The following DLGAP2 variants were observed in gnomAD, a reference collection of about 807,000 sequenced individuals.
DLGAP2 encodes disks large-associated protein 2.
DLGAP2 carries 26 observed loss-of-function variants against 100.3 expected under a neutral mutation model. The ratio of observed to expected loss-of-function variants is 0.26; its 90% CI spans 0.19 to 0.36. The LOEUF is 0.36. Among genes scored for constraint, DLGAP2 ranks in the 10% least tolerant of loss-of-function variants. DLGAP2 has a pLI of 1.00. For missense variants in DLGAP2, 1,858 were observed against 1,453.2 expected (o/e 1.28, Z -4.53); for synonymous variants, 886 against 630.1 (o/e 1.41, Z -6.08).
chr8:1,693,370 A>G (rs1198506829), intron 13 of DLGAP2, among the ~76,000 whole-genome samples: 3 of 151,048 alleles, frequency 2.0e-5, no homozygotes, highest in African/African-American at 7.3e-5. Flanking sequence ...TATACTATAT[A>G]TTTGCCTACA....
intron 3 of DLGAP2, among the ~76,000 whole-genome samples, chr8:1,464,764 C>T (rs538350228): frequency 2.6e-5 from 4 of 152,314 alleles, no homozygotes; most frequent in Admixed American, 6.5e-5. Flanking sequence ...CACGCCTCAC[C>T]GTCCTGGCCT....
chr8:1,679,455 A>C (rs113619446), intron 12 of DLGAP2, among the ~76,000 whole-genome samples: 1 of 144,454 alleles, frequency 6.9e-6, no homozygotes, highest in African/African-American at 2.6e-5. Context: ...GTCACCACCA[A>C]AGGTCTCACT....
At chr8:796,360 C>T (rs1273197393) in intron 1 of DLGAP2, among the ~76,000 whole-genome samples, 3 of 152,298 alleles carry the variant, frequency 2.0e-5, no homozygotes, top group Admixed American at 6.5e-5. Context: ...ACGGCCCCTC[C>T]GAGACTCCGA....
At chr8:1,113,664 C>G (rs1191697124) in intron 2 of DLGAP2, among the ~76,000 whole-genome samples, 1 of 152,136 alleles carries the variant, frequency 6.6e-6, no homozygotes, top group Non-Finnish European at 1.5e-5. Flanking sequence ...TTGACTTCCT[C>G]TCTTTCTGCT....
At chr8:888,879 A>G (rs909913696) in intron 1 of DLGAP2, among the ~76,000 whole-genome samples, 4 of 152,104 alleles carry the variant, frequency 2.6e-5, no homozygotes, top group Non-Finnish European at 4.4e-5. Context: ...AGCAGGTTTC[A>G]TGCTTGTCCG....
At chr8:763,795 A>T (rs562303803) in intron 1 of DLGAP2, among the ~76,000 whole-genome samples, 10 of 152,256 alleles carry the variant, frequency 6.6e-5, no homozygotes, top group East Asian at 3.9e-4. Context: ...GGTAGAATTT[A>T]AAAAAAATGA....
At chr8:1,041,859 G>A (rs941714250) in intron 2 of DLGAP2, among the ~76,000 whole-genome samples, 2 of 152,222 alleles carry the variant, frequency 1.3e-5, no homozygotes, top group Non-Finnish European at 2.9e-5. Context: ...CGAGCCCTTT[G>A]CCGTGGGTCA....
chr8:1,685,992 C>A (rs895203487), intron 12 of DLGAP2, among the ~76,000 whole-genome samples: 2 of 152,136 alleles, frequency 1.3e-5, no homozygotes, highest in Non-Finnish European at 2.9e-5. Flanking sequence ...TATGAAGTAG[C>A]CACTATGGAA....
chr8:1,458,936 G>C (rs1486304825), intron 3 of DLGAP2, among the ~76,000 whole-genome samples: 2 of 152,228 alleles, frequency 1.3e-5, no homozygotes, highest in Non-Finnish European at 2.9e-5. Context: ...TGCAAGACCA[G>C]TGTGTGTCCC....
At position 1,549,606 on chromosome 8, in the gene DLGAP2, A is replaced by G; in HGVS notation, c.1153A>G (p.Lys385Glu). The change falls in exon 5 of 15, where the codon AAG becomes GAG. Residue 385 changes from lysine (K) to glutamate (E), a missense_variant. Coordinates refer to ENST00000637795, the MANE Select transcript of DLGAP2 (RefSeq NM_001346810.2). ...TVSQAKEAYR[K>E]SSLNLDKPLL... is the part of the protein sequence containing the mutation. ...CAGCCAGGCCAAGGAGGCCTACCGC[A>G]AGAGCTCGCTGAACCTGGACAAGCC... The G allele has an allele frequency of 6.3e-7, 1 of 1,599,056 alleles. No homozygotes were observed. Among genetic ancestry groups the G allele is most frequent in the Non-Finnish European group, 8.5e-7 (1 of 1,174,802 alleles).
At chr8:1,501,298 T>C in intron 3 of DLGAP2, 68 bp from the exon 4 acceptor site, 2 of 1,473,320 alleles carry the variant, frequency 1.4e-6, no homozygotes, top group Non-Finnish European at 1.8e-6. Context: ...GTTTTGAAGA[T>C]GTGCAGGGAA....
chr8:763,569 G>C (rs556936707), intron 1 of DLGAP2, among the ~76,000 whole-genome samples: 2 of 152,338 alleles, frequency 1.3e-5, no homozygotes, highest in East Asian at 3.9e-4. Flanking sequence ...GAGAGTTGGA[G>C]TGACAATTTA....
chr8:1,649,880 A>G (rs568313177), intron 8 of DLGAP2, among the ~76,000 whole-genome samples: 6 of 152,320 alleles, frequency 3.9e-5, no homozygotes, highest in African/African-American at 9.6e-5. Context: ...GGAAAGAAAT[A>G]AAGAATGGAA....
intron 3 of DLGAP2, among the ~76,000 whole-genome samples, chr8:1,294,878 A>AC (rs1800135260): frequency 7.1e-6 from 1 of 140,352 alleles, no homozygotes. Flanking sequence ...CAAAACAAAA[A>AC]AAAACAAAAC....
intron 2 of DLGAP2, among the ~76,000 whole-genome samples, chr8:1,237,153 T>G (rs1798677157): frequency 1.5e-5 from 2 of 133,714 alleles, no homozygotes; most frequent in Non-Finnish European, 3.2e-5. Context: ...TTCTCTCACA[T>G]GGCGCCGTGT....
chr8:824,751 C>G (rs1004920350), intron 1 of DLGAP2, among the ~76,000 whole-genome samples: 1 of 152,244 alleles, frequency 6.6e-6, no homozygotes, highest in Non-Finnish European at 1.5e-5. Flanking sequence ...AGACATGCTG[C>G]CCTCATCAGC....
chr8:1,207,419 T>C (rs1798019661), intron 2 of DLGAP2, among the ~76,000 whole-genome samples: 2 of 152,240 alleles, frequency 1.3e-5, no homozygotes, highest in Admixed American at 1.3e-4. Flanking sequence ...TTGTTCCTTT[T>C]TTTGGCTGAG....
chr8:1,186,646 G>C (rs1333912291), intron 2 of DLGAP2, among the ~76,000 whole-genome samples: 1 of 152,048 alleles, frequency 6.6e-6, no homozygotes. Flanking sequence ...GAGTATCTGT[G>C]GGATATGACC....
chr8:1,432,726 C>G (rs967982727), intron 3 of DLGAP2, among the ~76,000 whole-genome samples: 2 of 152,176 alleles, frequency 1.3e-5, no homozygotes, highest in Non-Finnish European at 2.9e-5. Context: ...TGGTGAGATG[C>G]CAGGGCCTCT....
Sources: gnomAD v4.1 joint callset for allele counts (sites outside exome capture counted in the v4.1 genomes callset) on GRCh38, gnomAD v4.1.1 for gene constraint, MANE v1.5 for transcripts, NCBI Gene and HGNC (gene_info 2026-07-23, HGNC 2026-07-21) for gene names.